The following DRAP1 variants were observed in gnomAD, a reference collection of about 807,000 sequenced individuals.
The protein encoded by DRAP1 is dr1-associated corepressor.
A neutral mutation model predicts 24.1 loss-of-function variants in DRAP1; 10 were observed. That is an observed-to-expected ratio of 0.41 (90% CI 0.26 to 0.70). The LOEUF (loss-of-function observed/expected upper bound fraction) is 0.70, where lower values mean the gene tolerates loss of function less well. DRAP1 is among the 30% of genes least tolerant of loss of function. The pLI, the probability that DRAP1 is intolerant of heterozygous loss-of-function variation, is 0.29. For synonymous variants in DRAP1, 122 were observed against 113.8 expected, an observed-to-expected ratio of 1.07 and a Z score of -0.46; for missense variants, 264 against 275.6, an observed-to-expected ratio of 0.96 and a Z score of 0.30.
rs143062944 is a variant in DRAP1 at position 65,920,422 on chromosome 11, G to A, written c.289G>A (p.Gly97Arg). The change falls in exon 4 of 7, where the codon GGG (glycine) becomes AGG (arginine). Residue 97 changes from glycine to arginine, a missense_variant. By Grantham distance (125) the Gly-to-Arg change is moderately radical (BLOSUM62 -2). This residue lies in a region of DRAP1 where 243 missense variants were observed against 233.6 expected (regional missense o/e 1.04). Transcript: ENST00000312515. Reference protein sequence around the residue: ...VASVPDMQGDGEDNHMDGDKG... With the variant: ...VASVPDMQGDREDNHMDGDKG... ...ATCTGTTCCCGACATGCAGGGGGAC[G>A]GGGAAGACAACCACATGGATGGGGA... 4 of 1,614,020 alleles carry A rather than the reference G, an allele frequency of 2.5e-6. No homozygotes were observed. Among genetic ancestry groups the A allele is most frequent in the African/African-American group, 2.7e-5 (2 of 74,942 alleles).
rs1208297958 is a variant in DRAP1, at chr11:65,919,958, C to T, written c.126C>T (p.Leu42=). Residue 42 remains leucine, a synonymous_variant, in exon 3 of 7, where the codon CTC becomes CTT. Coordinates refer to ENST00000312515, the MANE Select transcript of DRAP1 (RefSeq NM_006442.4). Reference sequence around the variant, plus strand: ...CTTGACGCTCCTCAGCCCGGGCGCTCGAGCTCTTCCTAGAGTCGCTGTTGA... The same window carrying T: ...CTTGACGCTCCTCAGCCCGGGCGCTTGAGCTCTTCCTAGAGTCGCTGTTGA... ...AAVPVIISRA[L]ELFLESLLKK... 2 of 1,613,800 alleles carry T rather than the reference C, an allele frequency of 1.2e-6. No homozygotes were observed. The highest frequency in any genetic ancestry group is 1.7e-6 in the Non-Finnish European group (2 of 1,179,896).
chr11:65,921,302 T>C (rs377053563), intron 6 of DRAP1, 28 bp from the exon 7 acceptor site: 19 of 1,382,798 alleles, frequency 1.4e-5, no homozygotes, highest in Non-Finnish European at 1.9e-5. Context: ...GGCTCAGGCC[T>C]GACTCTCTCC....
Position 65,920,353 on chromosome 11 carries a change from A to T in DRAP1, c.220A>T (p.Ile74Phe). 1 of 1,614,058 alleles carries T rather than the reference A, an allele frequency of 6.2e-7. No homozygotes were observed. Among genetic ancestry groups the T allele is most frequent in the Non-Finnish European group, 8.5e-7 (1 of 1,180,020 alleles). Residue 74 changes from isoleucine (I) to phenylalanine (F), a missense_variant, in exon 4 of 7, where the codon ATC becomes TTC. Transcript: ENST00000312515. Reference sequence around the variant, plus strand: ...CCTCACCTCTTCCAGGAAGCAGTGCATCGAGCTGGAGCAGCAGTTTGACTT... The same window carrying T: ...CCTCACCTCTTCCAGGAAGCAGTGCTTCGAGCTGGAGCAGCAGTTTGACTT... ...TMTTSHLKQC[I>F]ELEQQFDFLK...
intron 5 of DRAP1, 79 bp from the exon 6 acceptor site, chr11:65,920,805 G>A (rs1854540928): frequency 2.0e-6 from 3 of 1,494,282 alleles, no homozygotes; most frequent in South Asian, 1.3e-5. Context: ...GGGCTATGAG[G>A]GTCTACTGCT....
rs779982473 is a variant in DRAP1, at chr11:65,919,455, G to A, written c.-47G>A. 166 of 1,514,646 alleles carry A rather than the reference G, an allele frequency of 1.1e-4. No homozygotes were observed. The highest frequency in any genetic ancestry group is 1.9e-5 in the Non-Finnish European group (22 of 1,132,680). The allele number at this position is 1,514,646 out of a possible 1,614,324, so 93.8% of individuals were successfully genotyped here. On this transcript the variant is annotated 5_prime_UTR_variant, in exon 1 of 7. Transcript: ENST00000312515. Reference sequence around the variant, plus strand: ...GGCGAGCAGGCCCGGGAGCCGGGAGGCTGCGGGCGGCGGCGCTGGACCCGA... The same window carrying A: ...GGCGAGCAGGCCCGGGAGCCGGGAGACTGCGGGCGGCGGCGCTGGACCCGA...
In DRAP1 at chr11:65,921,157, G is replaced by T. The variant is rs1405788465; in HGVS notation, c.513-173G>T. On this transcript the variant is annotated intron_variant, in intron 6 of 6. Coordinates refer to ENST00000312515, the MANE Select transcript of DRAP1 (RefSeq NM_006442.4). ...AAAGATCCTGCTCCACCCTGCCAGG[G>T]CCCGTGGGTGGGGCCTGGGCCTGCC... 4.4e-6 allele frequency: 3 copies of T among 676,454 alleles called. No individual in the cohort carries two copies. The South Asian group carries it at 5.9e-5, about 13-fold the overall frequency. The allele number at this position is 676,454 out of a possible 1,614,324, so 41.9% of individuals were successfully genotyped here.
At position 65,920,804 on chromosome 11, in the gene DRAP1, G is replaced by A. The variant is rs570687692; in HGVS notation, c.424-80G>A. The stretch of plus-strand genomic sequence containing the variant: ...GTTTATTTGTAAATTGGGGCTATGA[G>A]GGTCTACTGCTGTCCCTGCCACTCC... On this transcript the variant is annotated intron_variant, in intron 5 of 6. Coordinates refer to ENST00000312515, the MANE Select transcript of DRAP1 (RefSeq NM_006442.4). 1.3e-5 allele frequency: 19 copies of A among 1,493,816 alleles called. No homozygotes were observed. In the East Asian group the frequency reaches 1.8e-4, roughly 14 times the overall value. 92.5% of individuals were successfully genotyped at this position (1,493,816 alleles called of 1,614,324 possible). A position where few individuals can be genotyped will look rare whatever the true frequency, so the allele number is the denominator to read the frequency against.
At chr11:65,920,322 G>T (rs772375916) in intron 3 of DRAP1, 21 bp from the exon 4 acceptor site, 67 of 1,613,614 alleles carry the variant, frequency 4.2e-5, no homozygotes, top group Non-Finnish European at 5.6e-5. Flanking sequence ...TTGAGTGCCA[G>T]CCCCTCCTCA....
Position 65,920,990 on chromosome 11 carries a change from A to C in DRAP1, c.512+18A>C, listed in dbSNP as rs1854544054. ...TTTCAGAGGTGAGCAGCCCAGAGGCATGGGAGGGTGCTGGCAGACTCCCCA... is the reference window on the plus strand; with the variant it reads ...TTTCAGAGGTGAGCAGCCCAGAGGCCTGGGAGGGTGCTGGCAGACTCCCCA... On this transcript the variant is annotated intron_variant, in intron 6 of 6. Transcript: ENST00000312515. The C allele has an allele frequency of 6.3e-7, 1 of 1,584,542 alleles. No homozygotes were observed. Among genetic ancestry groups the C allele is most frequent in the Non-Finnish European group, 8.6e-7 (1 of 1,164,766 alleles).
In DRAP1 at chr11:65,921,540, A is replaced by C; in HGVS notation, c.*105A>C. On this transcript the variant is annotated 3_prime_UTR_variant, in exon 7 of 7. Coordinates refer to ENST00000312515, the MANE Select transcript of DRAP1 (RefSeq NM_006442.4). ...TTAAATTTATTAAAAAAAAAAATAA[A>C]AGGGAATCTCAGTGTCTGTTCCAGG... 1.8e-6 allele frequency: 1 copy of C among 557,072 alleles called. No individual in the cohort carries two copies. The highest frequency in any genetic ancestry group is 3.2e-5 in the East Asian group (1 of 31,436). 34.5% of individuals were successfully genotyped at this position (557,072 alleles called of 1,614,324 possible).
intron 5 of DRAP1, 90 bp downstream of exon 5, chr11:65,920,752 C>T: frequency 1.4e-6 from 2 of 1,427,262 alleles, no homozygotes; most frequent in Admixed American, 2.6e-5. Flanking sequence ...CAGCTCTCAT[C>T]CTTTTCTGCA....
Position 65,920,061 on chromosome 11 carries a change from G to A in DRAP1, c.209+20G>A, listed in dbSNP as rs775507124. On this transcript the variant is annotated intron_variant, in intron 3 of 6. Transcript: ENST00000312515. ...CCACCTGTGAGCGGCGAGGAGCCGGGAGGGGCCGGCGGGTTTGGCGCGGGG... is the reference window on the plus strand; with the variant it reads ...CCACCTGTGAGCGGCGAGGAGCCGGAAGGGGCCGGCGGGTTTGGCGCGGGG... 6.2e-6 allele frequency: 10 copies of A among 1,610,850 alleles called. No individual in the cohort carries two copies. The South Asian group carries it at 9.9e-5, about 16-fold the overall frequency.
In DRAP1 at chr11:65,919,968, C is replaced by T. The variant is rs777230237; in HGVS notation, c.136C>T (p.Leu46=). 6.2e-7 allele frequency: 1 copy of T among 1,613,762 alleles called. No homozygotes were observed. The highest frequency in any genetic ancestry group is 8.5e-7 in the Non-Finnish European group (1 of 1,179,954). Residue 46 remains leucine (L), a synonymous_variant, in exon 3 of 7, where the codon CTA becomes TTA. Coordinates refer to ENST00000312515, the MANE Select transcript of DRAP1 (RefSeq NM_006442.4). ...VIISRALELF[L]ESLLKKACQV... is the part of the protein sequence containing the mutation. Reference sequence around the variant, plus strand: ...CTCAGCCCGGGCGCTCGAGCTCTTCCTAGAGTCGCTGTTGAAGAAGGCCTG... The same window carrying T: ...CTCAGCCCGGGCGCTCGAGCTCTTCTTAGAGTCGCTGTTGAAGAAGGCCTG...
Position 65,920,899 on chromosome 11 carries a change from A to G in DRAP1, c.439A>G (p.Thr147Ala), listed in dbSNP as rs1018604621. 2 of 1,613,290 alleles carry G rather than the reference A, an allele frequency of 1.2e-6. No individual in the cohort carries two copies. The highest frequency in any genetic ancestry group is 1.7e-6 in the Non-Finnish European group (2 of 1,179,556). Reference sequence around the variant, plus strand: ...GTGCTCACAGGATGAATCTGAGGACACAGATACTGATGGGGAAGAGGAGAC... The same window carrying G: ...GTGCTCACAGGATGAATCTGAGGACGCAGATACTGATGGGGAAGAGGAGAC... ...DSEQEDESED[T>A]DTDGEEETSQ... The change falls in exon 6 of 7, where the codon ACA (threonine) becomes GCA (alanine). Residue 147 changes from threonine (T) to alanine (A), a missense_variant. Transcript: ENST00000312515.
rs1307290680 is a variant in DRAP1, at chr11:65,919,760, C to T, written c.43-20C>T. On this transcript the variant is annotated intron_variant, in intron 1 of 6. Coordinates refer to ENST00000312515, the MANE Select transcript of DRAP1 (RefSeq NM_006442.4). ...GGGGACGGTGGCGACGGGGTCTGAA[C>T]TCTGCTCCCCCACCCGCAGGCGCGG... 2 of 1,612,850 alleles carry T rather than the reference C, an allele frequency of 1.2e-6. No homozygotes were observed. Among genetic ancestry groups the T allele is most frequent in the Non-Finnish European group, 1.7e-6 (2 of 1,179,926 alleles).
rs978050541 is a variant in DRAP1 at position 65,920,553 on chromosome 11, C to T, written c.330-16C>T. On this transcript the variant is annotated splice_polypyrimidine_tract_variant and intron_variant, in intron 4 of 6. Transcript: ENST00000312515. ...GTAGGGAGCACTCCGGGCAGATGGA[C>T]TGTACCTTCCCAAAGGGGCCGGAAG... 1 of 1,601,992 alleles carries T rather than the reference C, an allele frequency of 6.2e-7. No homozygotes were observed. The highest frequency in any genetic ancestry group is 8.5e-7 in the Non-Finnish European group (1 of 1,174,060).
At position 65,920,644 on chromosome 11, in the gene DRAP1, G is replaced by A. The variant is rs909443737; in HGVS notation, c.405G>A (p.Gly135=). ...AAAGCAAGGACAAGAAGCTGTCCGGGACAGACTCGGAGCAGGAGGTGAGTG... is the reference window on the plus strand; with the variant it reads ...AAAGCAAGGACAAGAAGCTGTCCGGAACAGACTCGGAGCAGGAGGTGAGTG... ...GTKSKDKKLS[G]TDSEQEDESE... is the part of the protein sequence containing the mutation. The change falls in exon 5 of 7, where the codon GGG becomes GGA. Residue 135 remains glycine, a synonymous_variant. Transcript: ENST00000312515. The A allele has an allele frequency of 1.8e-5, 27 of 1,501,772 alleles. No individual in the cohort carries two copies. The Middle Eastern group carries it at 5.2e-4, about 29-fold the overall frequency. The allele number at this position is 1,501,772 out of a possible 1,614,324, so 93.0% of individuals were successfully genotyped here.
rs999903251 is a variant in DRAP1, at chr11:65,920,482, T to C, written c.329+20T>C. On this transcript the variant is annotated intron_variant, in intron 4 of 6. Coordinates refer to ENST00000312515, the MANE Select transcript of DRAP1 (RefSeq NM_006442.4). Reference sequence around the variant, plus strand: ...CCGCAGGTGGGGCCAGGGCCTGGCATACAGTGGGGAAGGCCAAGGCCACAG... The same window carrying C: ...CCGCAGGTGGGGCCAGGGCCTGGCACACAGTGGGGAAGGCCAAGGCCACAG... 13 of 1,613,556 alleles carry C rather than the reference T, an allele frequency of 8.1e-6. No individual in the cohort carries two copies. The highest frequency in any genetic ancestry group is 1.1e-5 in the Non-Finnish European group (13 of 1,179,744).
intron 3 of DRAP1, 46 bp from the exon 4 acceptor site, chr11:65,920,297 G>T: frequency 6.2e-7 from 1 of 1,611,536 alleles, no homozygotes; most frequent in Non-Finnish European, 8.5e-7. Flanking sequence ...GCGGGTTTGG[G>T]TGTCTGGGCC....
Sources: allele counts gnomAD v4.1 joint callset, GRCh38; gene constraint gnomAD v4.1.1; regional missense constraint gnomAD v4.1.1; transcripts MANE v1.5; gene names NCBI Gene and HGNC (gene_info 2026-07-23, HGNC 2026-07-21).